CHRDL2: variants seen among roughly 807,000 people sequenced by gnomAD.
The protein encoded by CHRDL2 is chordin-like protein 2.
In CHRDL2, 41 loss-of-function variants were observed where a neutral mutation model predicts 54.3. The ratio of observed to expected loss-of-function variants is 0.76; its 90% CI spans 0.59 to 0.98. The LOEUF (loss-of-function observed/expected upper bound fraction) is 0.98, where lower values mean the gene tolerates loss of function less well. Ranked by LOEUF, CHRDL2 falls within the 50% of genes least tolerant of loss-of-function variation. The pLI, the probability that CHRDL2 is intolerant of heterozygous loss-of-function variation, is 0.00. For missense variants in CHRDL2, 518 were observed against 562.4 expected, an observed-to-expected ratio of 0.92 and a Z score of 0.80; for synonymous variants, 220 against 224.3, an observed-to-expected ratio of 0.98 and a Z score of 0.17.
chr11:74,712,893 C>T (rs2034241196), intron 3 of CHRDL2, among the ~76,000 whole-genome samples: 1 of 152,154 alleles, frequency 6.6e-6, no homozygotes, highest in Non-Finnish European at 1.5e-5. Context: ...GAATCATAGA[C>T]ATTTAGCATC....
rs747345421 is a variant in CHRDL2 at position 74,730,795 on chromosome 11, C to T, written c.82+12G>A. 6 of 1,604,736 alleles carry T rather than the reference C, an allele frequency of 3.7e-6. No homozygotes were observed. The highest frequency in any genetic ancestry group is 5.1e-6 in the Non-Finnish European group (6 of 1,176,122). On this transcript the variant is annotated intron_variant, in intron 1 of 10. Coordinates refer to ENST00000376332, the MANE Select transcript of CHRDL2 (RefSeq NM_001278473.3). ...TCCCTCCTCTGCCCACCCAGCCTCC[C>T]GGTCTACTTACGGGCTCGAGCGTGG...
intron 2 of CHRDL2, 88 bp from the exon 3 acceptor site, chr11:74,713,567 G>T: frequency 1.0e-6 from 1 of 999,846 alleles, no homozygotes; most frequent in Non-Finnish European, 1.5e-6. Context: ...CACCCCAACT[G>T]CAGAAGTCTG....
chr11:74,704,692 C>G (rs747388520), intron 6 of CHRDL2, 38 bp from the exon 7 acceptor site: 4 of 1,587,906 alleles, frequency 2.5e-6, no homozygotes, highest in Non-Finnish European at 3.4e-6. Flanking sequence ...ACTGACTGAG[C>G]ATAGCAGGCC....
chr11:74,697,725 C>T (rs1186328712), intron 9 of CHRDL2: 1 of 387,586 alleles, frequency 2.6e-6, no homozygotes, highest in Non-Finnish European at 5.1e-6. Context: ...ACCCACCTGT[C>T]CCCAGTGCAG....
At chr11:74,697,827 A>C in intron 9 of CHRDL2, 1 of 306,368 alleles carries the variant, frequency 3.3e-6, no homozygotes. Flanking sequence ...GGAGGAAGGA[A>C]GGTTGGCTGG....
In CHRDL2 at chr11:74,703,284, GCT is replaced by G. The variant is rs1195205867; in HGVS notation, c.946+19_946+20del. ...GCTCACTCTGGCCAGCGCCCTCCTT[GCT>G]CCCAGTGCCCCTGTGTACCTGGGCA... On this transcript the variant is annotated intron_variant, in intron 8 of 10. Transcript: ENST00000376332. 6.4e-7 allele frequency: 1 copy of G among 1,573,564 alleles called. No homozygotes were observed. The highest frequency in any genetic ancestry group is 8.6e-7 in the Non-Finnish European group (1 of 1,157,214).
At chr11:74,698,721 A>C (rs3814723) in intron 9 of CHRDL2, 10,936 of 81,098 alleles carry the variant, frequency 0.13, 153 homozygotes, top group Non-Finnish European at 0.19. Context: ...ACACACACAC[A>C]CCCCACATAC....
intron 9 of CHRDL2, chr11:74,701,726 AAACTC>A: frequency 4.7e-6 from 3 of 640,080 alleles, no homozygotes; most frequent in Non-Finnish European, 8.7e-6. Context: ...AGCACTTTGT[AAACTC>A]CAAAGTGCTA....
Position 74,717,152 on chromosome 11 carries a change from TA to T in CHRDL2, c.195+1567del, listed in dbSNP as rs1424983186. Among the ~76,000 whole-genome samples the T allele has an allele frequency of 5.3e-5, 8 of 151,828 alleles. No individual in the cohort carries two copies. In the East Asian group the frequency reaches 5.8e-4, roughly 11 times the overall value. On this transcript the variant is annotated intron_variant, in intron 2 of 10. Transcript: ENST00000376332. Reference sequence around the variant, plus strand: ...CTCACTGCCGCGTGGAGGATGGATTTAGGGGGGGAAACAGGAAGACCTGTTA... The same window carrying T: ...CTCACTGCCGCGTGGAGGATGGATTTGGGGGGGAAACAGGAAGACCTGTTA...
At position 74,713,496 on chromosome 11, in the gene CHRDL2, G is replaced by A. The variant is rs1163416694; in HGVS notation, c.196-17C>T. 5 of 1,604,702 alleles carry A rather than the reference G, an allele frequency of 3.1e-6. No individual in the cohort carries two copies. The East Asian group carries it at 1.1e-4, about 36-fold the overall frequency. Reference sequence around the variant, plus strand: ...ATGGGCGCCCTGAAGGGGACACAAGGGTCAGCCCTGGTTCAAAGAACCATC... The same window carrying A: ...ATGGGCGCCCTGAAGGGGACACAAGAGTCAGCCCTGGTTCAAAGAACCATC... On this transcript the variant is annotated splice_polypyrimidine_tract_variant and intron_variant, in intron 2 of 10. Transcript: ENST00000376332.
intron 9 of CHRDL2, chr11:74,701,314 A>C (rs929320223): frequency 5.4e-6 from 2 of 372,534 alleles, no homozygotes; most frequent in African/African-American, 2.1e-5. Flanking sequence ...GATATAGCAG[A>C]GTCTGGATTC....
At chr11:74,709,559 T>C (rs1004163042) in intron 4 of CHRDL2, among the ~76,000 whole-genome samples, 2 of 152,140 alleles carry the variant, frequency 1.3e-5, no homozygotes, top group African/African-American at 4.8e-5. Context: ...CTGCAAAAGG[T>C]AATTGCTTAC....
intron 1 of CHRDL2, chr11:74,719,043 C>T: frequency 1.8e-6 from 1 of 555,656 alleles, no homozygotes; most frequent in Non-Finnish European, 3.2e-6. Flanking sequence ...CTGTGCAACA[C>T]TGGGCATGCC....
chr11:74,704,637 T>C lies in CHRDL2; in HGVS notation c.600A>G (p.Pro200=), dbSNP rs2033946262. The C allele has an allele frequency of 6.2e-7, 1 of 1,606,256 alleles. No individual in the cohort carries two copies. Among genetic ancestry groups the C allele is most frequent in the Non-Finnish European group, 8.5e-7 (1 of 1,176,628 alleles). Residue 200 remains proline (P), a synonymous_variant, in exon 7 of 11, where the codon CCA becomes CCG. Coordinates refer to ENST00000376332, the MANE Select transcript of CHRDL2 (RefSeq NM_001278473.3). ...TCTTTCTCCCAGCATCACTGGAACATGGATCCTGAGGATGTCTCTGCAAAT... is the reference window on the plus strand; with the variant it reads ...TCTTTCTCCCAGCATCACTGGAACACGGATCCTGAGGATGTCTCTGCAAAT... ...SLHGVRHPQD[P]CSSDAGRKRG... is the part of the protein sequence containing the mutation.
intron 2 of CHRDL2, among the ~76,000 whole-genome samples, chr11:74,715,582 G>A (rs553327905): frequency 6.7e-6 from 1 of 149,538 alleles, no homozygotes; most frequent in East Asian, 2.0e-4. Flanking sequence ...CAGCCTGGGC[G>A]ACAGAGCGAG....
rs766476525 is a variant in CHRDL2 at position 74,713,256 on chromosome 11, A to C, written c.289+130T>G. 5.6e-6 allele frequency: 4 copies of C among 713,618 alleles called. No individual in the cohort carries two copies. The African/African-American group carries it at 7.1e-5, about 13-fold the overall frequency. 44.2% of individuals were successfully genotyped at this position (713,618 alleles called of 1,614,324 possible). ...ATCTGGGATATTTCCTCCCTTGAGC[A>C]CCTTTGTGTGTCTACACCTCTGATG... On this transcript the variant is annotated intron_variant, in intron 3 of 10. Coordinates refer to ENST00000376332, the MANE Select transcript of CHRDL2 (RefSeq NM_001278473.3).
chr11:74,726,021 G>A (rs1185160228), intron 1 of CHRDL2, among the ~76,000 whole-genome samples: 3 of 152,198 alleles, frequency 2.0e-5, no homozygotes, highest in Non-Finnish European at 4.4e-5. Context: ...CAGCTCCTCA[G>A]TGGCTGAGCT....
At chr11:74,707,654 G>C (rs1301017801) in intron 5 of CHRDL2, among the ~76,000 whole-genome samples, 1 of 151,944 alleles carries the variant, frequency 6.6e-6, no homozygotes, top group Non-Finnish European at 1.5e-5. Context: ...CAGCTCATCT[G>C]CTTGCAGGGA....
chr11:74,726,823 G>T (rs548101401), intron 1 of CHRDL2, among the ~76,000 whole-genome samples: 1 of 152,292 alleles, frequency 6.6e-6, no homozygotes, highest in East Asian at 1.9e-4. Flanking sequence ...CCTGGAGCCG[G>T]ACTTCAGGCC....
Sources: gnomAD v4.1 joint callset for allele counts (sites outside exome capture counted in the v4.1 genomes callset) on GRCh38, gnomAD v4.1.1 for gene constraint, MANE v1.5 for transcripts, NCBI Gene and HGNC (gene_info 2026-07-23, HGNC 2026-07-21) for gene names.